The following WWOX variants were observed in gnomAD, a reference collection of about 807,000 sequenced individuals.
WWOX encodes the protein WW domain-containing oxidoreductase.
A neutral mutation model predicts 46.2 loss-of-function variants in WWOX; 69 were observed. That is an observed-to-expected ratio of 1.49 (90% CI 1.23 to 1.82). WWOX has a LOEUF of 1.82. Among genes scored for constraint, WWOX ranks in the 40% most tolerant of loss-of-function variants. The pLI is 0.00. For missense variants in WWOX, 919 were observed against 542.6 expected (o/e 1.69, Z -6.89); for synonymous variants, 359 against 202.6 (o/e 1.77, Z -6.56).
chr16:78,453,358 G>T (rs2151414714), intron 8 of WWOX, among the ~76,000 whole-genome samples: 1 of 152,048 alleles, frequency 6.6e-6, no homozygotes, highest in Non-Finnish European at 1.5e-5. Context: ...GAGAGGTGGA[G>T]GTGGCAGTGA....
At chr16:79,104,286 T>C (rs2049264011) in intron 8 of WWOX, among the ~76,000 whole-genome samples, 1 of 152,184 alleles carries the variant, frequency 6.6e-6, no homozygotes, top group South Asian at 2.1e-4. Flanking sequence ...AATGTTTTGG[T>C]AAAACCTCAG....
chr16:78,777,889 A>G (rs1159909019), intron 8 of WWOX, among the ~76,000 whole-genome samples: 5 of 152,036 alleles, frequency 3.3e-5, no homozygotes, highest in Non-Finnish European at 7.4e-5. Context: ...TACAAAAAAT[A>G]TAAAAATGAG....
In WWOX at chr16:79,129,270, G is replaced by C. The variant is rs558460926; in HGVS notation, c.1057-82338G>C. On this transcript the variant is annotated intron_variant, in intron 8 of 8. Coordinates refer to ENST00000566780, the MANE Select transcript of WWOX (RefSeq NM_016373.4). Reference sequence around the variant, plus strand: ...AACGCAAAATAGAGATGTAGTTTTAGCGTGCTGCCCAATATTAAAAGATTG... The same window carrying C: ...AACGCAAAATAGAGATGTAGTTTTACCGTGCTGCCCAATATTAAAAGATTG... 4.0e-5 allele frequency among the ~76,000 whole-genome samples: 6 copies of C among 151,320 alleles called. No individual in the cohort carries two copies. In the East Asian group the frequency reaches 1.2e-3, roughly 29 times the overall value.
chr16:78,418,351 G>A (rs990464328), intron 6 of WWOX, among the ~76,000 whole-genome samples: 1 of 150,472 alleles, frequency 6.6e-6, no homozygotes, highest in Admixed American at 6.6e-5. Context: ...GCAGGAGACA[G>A]AGTAAGACTC....
At chr16:79,071,420 C>G (rs559412024) in intron 8 of WWOX, among the ~76,000 whole-genome samples, 42 of 152,326 alleles carry the variant, frequency 2.8e-4, no homozygotes, top group African/African-American at 8.4e-4. Flanking sequence ...TTCTTCCCCC[C>G]TCATCTCTTA....
Position 78,578,652 on chromosome 16 carries a change from A to G in WWOX, c.1056+145900A>G, listed in dbSNP as rs897518427. Among the ~76,000 whole-genome samples the G allele has an allele frequency of 1.2e-4, 18 of 152,148 alleles. No homozygotes were observed. In the East Asian group the frequency reaches 2.7e-3, roughly 23 times the overall value. ...ACACCAAATTTAAAAAGACAGATAC[A>G]TAGGCAGTTGTTATGCAGTGTTTGA... On this transcript the variant is annotated intron_variant, in intron 8 of 8. Coordinates refer to ENST00000566780, the MANE Select transcript of WWOX (RefSeq NM_016373.4).
intron 5 of WWOX, chr16:78,168,226 T>C (rs912632687): frequency 6.6e-5 from 10 of 152,256 alleles, no homozygotes; most frequent in Non-Finnish European, 1.2e-4. Context: ...CAACTTGTTC[T>C]TCCCTGCCCA....
chr16:78,844,847 G>C (rs1440991134), intron 8 of WWOX, among the ~76,000 whole-genome samples: 1 of 152,164 alleles, frequency 6.6e-6, no homozygotes, highest in Admixed American at 6.5e-5. Flanking sequence ...CTGACCCAGT[G>C]ACCTTGCTCT....
intron 8 of WWOX, among the ~76,000 whole-genome samples, chr16:78,564,056 C>G (rs770054394): frequency 3.3e-5 from 5 of 152,236 alleles, no homozygotes; most frequent in Admixed American, 2.6e-4. Flanking sequence ...ATGAGAGACA[C>G]AAGACCATGT....
chr16:78,291,388 A>C (rs1175869834), intron 5 of WWOX, among the ~76,000 whole-genome samples: 2 of 152,178 alleles, frequency 1.3e-5, no homozygotes, highest in Non-Finnish European at 2.9e-5. Context: ...TTCTATAATT[A>C]TAATTATATT....
chr16:78,275,559 G>A (rs573233011), intron 5 of WWOX, among the ~76,000 whole-genome samples: 1 of 152,316 alleles, frequency 6.6e-6, no homozygotes, highest in South Asian at 2.1e-4. Context: ...AGGTTGGGGC[G>A]GTATCCTGAA....
intron 8 of WWOX, among the ~76,000 whole-genome samples, chr16:78,729,182 A>C (rs1163728743): frequency 6.6e-6 from 1 of 151,878 alleles, no homozygotes; most frequent in Non-Finnish European, 1.5e-5. Context: ...ATCCGTAAAA[A>C]AAATAAAAAA....
At chr16:78,930,869 T>A (rs1325964751) in intron 8 of WWOX, among the ~76,000 whole-genome samples, 1 of 152,086 alleles carries the variant, frequency 6.6e-6, no homozygotes, top group Non-Finnish European at 1.5e-5. Context: ...ACAAGGAGAA[T>A]GACAGTTAAA....
chr16:79,169,542 G>T (rs183062681), intron 8 of WWOX, among the ~76,000 whole-genome samples: 1 of 152,300 alleles, frequency 6.6e-6, no homozygotes, highest in African/African-American at 2.4e-5. Flanking sequence ...TAAAGCCAGG[G>T]TAAAGTCCCC....
chr16:78,253,236 G>A (rs1318923736), intron 5 of WWOX, among the ~76,000 whole-genome samples: 1 of 152,106 alleles, frequency 6.6e-6, no homozygotes, highest in African/African-American at 2.4e-5. Flanking sequence ...AAAGTTATAA[G>A]TACTCTTTCC....
intron 6 of WWOX, among the ~76,000 whole-genome samples, chr16:78,399,004 A>T (rs1298739616): frequency 2.7e-5 from 4 of 148,896 alleles, no homozygotes; most frequent in Non-Finnish European, 5.9e-5. Flanking sequence ...AAGGAAGGGG[A>T]TGAGTGGCTG....
Position 78,911,152 on chromosome 16 carries a change from C to G in WWOX, c.1057-300456C>G, listed in dbSNP as rs147359210. 1.2e-3 allele frequency among the ~76,000 whole-genome samples: 189 copies of G among 152,086 alleles called. 1 individual carries two copies. The highest frequency in any genetic ancestry group is 4.1e-3 in the African/African-American group (171 of 41,544). On this transcript the variant is annotated intron_variant, in intron 8 of 8. Transcript: ENST00000566780. Reference sequence around the variant, plus strand: ...TCTGCTTGTCTTCCTAGGCCCTTGTCAGAGTGGAAGGTGGCCCTCCACCAC... The same window carrying G: ...TCTGCTTGTCTTCCTAGGCCCTTGTGAGAGTGGAAGGTGGCCCTCCACCAC...
chr16:78,881,427 A>C (rs1241667063), intron 8 of WWOX, among the ~76,000 whole-genome samples: 2 of 152,378 alleles, frequency 1.3e-5, no homozygotes, highest in East Asian at 1.9e-4. Flanking sequence ...GGTTTTCTCC[A>C]AAATATATTT....
intron 8 of WWOX, among the ~76,000 whole-genome samples, chr16:78,718,635 G>C (rs1330345811): frequency 6.6e-6 from 1 of 152,040 alleles, no homozygotes; most frequent in African/African-American, 2.4e-5. Context: ...TTGAGCCCAG[G>C]ATTTTGAGGC....
Sources: allele counts gnomAD v4.1 joint callset (sites outside exome capture counted in the v4.1 genomes callset), GRCh38; gene constraint gnomAD v4.1.1; transcripts MANE v1.5; gene names NCBI Gene and HGNC (gene_info 2026-07-23, HGNC 2026-07-21).